Variants in COXFA4 observed in about 807,000 individuals in gnomAD.
COXFA4 encodes the protein cytochrome c oxidase subunit FA4.
chr7:10,940,104 C>T, the COXFA4 span: 2 of 1,591,516 alleles, frequency 1.3e-6, no homozygotes, highest in East Asian at 2.2e-5. Flanking sequence ...CCGACCTAGC[C>T]ACCAGGCCCT....
At chr7:10,934,190 A>G in the COXFA4 span, among the ~76,000 whole-genome samples, 2 of 152,120 alleles carry the variant, frequency 1.3e-5, no homozygotes, top group African/African-American at 2.4e-5. Flanking sequence ...TGTGGTTTAC[A>G]TAACTTCTAA....
the COXFA4 span, chr7:10,938,887 G>C: frequency 6.6e-5 from 106 of 1,612,632 alleles, no homozygotes; most frequent in Non-Finnish European, 8.8e-5. Flanking sequence ...AATACAAAGA[G>C]GGGGATCAAC....
the COXFA4 span, chr7:10,932,332 G>C: frequency 6.6e-6 from 1 of 152,302 alleles, no homozygotes; most frequent in South Asian, 2.1e-4. Context: ...TAAAAGCATG[G>C]AGTCTGGTAA....
chr7:10,934,009 T>G, the COXFA4 span, among the ~76,000 whole-genome samples: 1 of 152,282 alleles, frequency 6.6e-6, no homozygotes, highest in Non-Finnish European at 1.5e-5. Flanking sequence ...TGATACATAC[T>G]TCCAATTCGG....
At chr7:10,938,742 C>A in the COXFA4 span, 3 of 1,141,682 alleles carry the variant, frequency 2.6e-6, no homozygotes, top group African/African-American at 4.6e-5. Flanking sequence ...TATCGCCCTA[C>A]AGAGACTGTG....
chr7:10,938,603 A>T, the COXFA4 span: 1 of 525,592 alleles, frequency 1.9e-6, no homozygotes, highest in Non-Finnish European at 3.4e-6. Context: ...CTACTTTACC[A>T]AAGAGAAAAC....
chr7:10,939,399 T>C, the COXFA4 span: 2 of 180,612 alleles, frequency 1.1e-5, no homozygotes, highest in South Asian at 2.2e-4. Flanking sequence ...TACCAATGCT[T>C]GCTGCGTATT....
At chr7:10,937,227 C>T in the COXFA4 span, among the ~76,000 whole-genome samples, 1 of 150,054 alleles carries the variant, frequency 6.7e-6, no homozygotes, top group African/African-American at 2.5e-5. Context: ...AAACTTTAAA[C>T]ACGTCAACTG....
At chr7:10,938,750 G>C in the COXFA4 span, 10 of 1,228,950 alleles carry the variant, frequency 8.1e-6, no homozygotes, top group African/African-American at 1.5e-5. Context: ...TACAGAGACT[G>C]TGGCTCCTAA....
the COXFA4 span, chr7:10,933,536 C>T: frequency 1.2e-6 from 1 of 840,494 alleles, no homozygotes; most frequent in Admixed American, 1.8e-5. Context: ...TGATTTCATG[C>T]ATTTAGAGGA....
chr7:10,938,845 A>C, the COXFA4 span: 3 of 1,613,722 alleles, frequency 1.9e-6, no homozygotes, highest in Non-Finnish European at 2.5e-6. Context: ...CGCAAGAGAT[A>C]CAGTGTTGCT....
At chr7:10,934,385 A>AAAC in the COXFA4 span, among the ~76,000 whole-genome samples, 1 of 151,540 alleles carries the variant, frequency 6.6e-6, no homozygotes, top group African/African-American at 2.4e-5. Flanking sequence ...TTAAAAAAAA[A>AAAC]AAAAAAAAAC....
the COXFA4 span, chr7:10,939,938 T>G: frequency 6.6e-7 from 1 of 1,526,318 alleles, no homozygotes; most frequent in Non-Finnish European, 9.1e-7. Flanking sequence ...AATGAGGACG[T>G]TCCCAGGGAA....
At chr7:10,939,778 G>T in the COXFA4 span, 2 of 598,588 alleles carry the variant, frequency 3.3e-6, no homozygotes, top group East Asian at 2.9e-5. Flanking sequence ...GAAAAAACTA[G>T]GTTTTTTTTC....
At chr7:10,933,367 G>T in the COXFA4 span, 1 of 404,150 alleles carries the variant, frequency 2.5e-6, no homozygotes, top group Non-Finnish European at 4.5e-6. Flanking sequence ...TCAAACTACA[G>T]AAATTCAAGA....
the COXFA4 span, chr7:10,937,846 T>C: frequency 5.8e-6 from 3 of 513,234 alleles, no homozygotes; most frequent in East Asian, 1.0e-4. Flanking sequence ...ACCTAAGAAC[T>C]AAGAAAATGG....
At chr7:10,937,701 T>G in the COXFA4 span, among the ~76,000 whole-genome samples, 4 of 152,100 alleles carry the variant, frequency 2.6e-5, no homozygotes, top group African/African-American at 9.7e-5. Context: ...TCTAGAAGAG[T>G]AGTTCCACAG....
At chr7:10,937,589 T>C in the COXFA4 span, among the ~76,000 whole-genome samples, 1 of 152,220 alleles carries the variant, frequency 6.6e-6, no homozygotes, top group East Asian at 1.9e-4. Context: ...GGCCTGCCCT[T>C]GGTTTTGATG....
chr7:10,933,485 A>T, the COXFA4 span: 3 of 606,958 alleles, frequency 4.9e-6, no homozygotes, highest in Non-Finnish European at 8.6e-6. Flanking sequence ...TGATTTAATC[A>T]TTGTAATCTC....
Sources: allele counts gnomAD v4.1 joint callset (sites outside exome capture counted in the v4.1 genomes callset), GRCh38; gene constraint gnomAD v4.1.1; transcripts MANE v1.5; gene names NCBI Gene and HGNC (gene_info 2026-07-23, HGNC 2026-07-21).